Variants in LIG1 observed in about 807,000 individuals in gnomAD.
LIG1 encodes ligase I, DNA, ATP-dependent.
In LIG1, 70 loss-of-function variants were observed where a neutral mutation model predicts 115.7. The ratio of observed to expected loss-of-function variants is 0.60; its 90% confidence interval spans 0.50 to 0.74. The LOEUF (loss-of-function observed/expected upper bound fraction) is 0.74. Among genes scored for constraint, LIG1 ranks in the 30% least tolerant of loss-of-function variants. LIG1 has a pLI of 0.00. For missense variants in LIG1, 1,115 were observed against 1,225.6 expected (o/e 0.91, Z 1.35); for synonymous variants, 487 against 495.3 (o/e 0.98, Z 0.22).
chr19:48,153,683 CA>C lies in LIG1; in HGVS notation c.466+188del, dbSNP rs1568538245. On this transcript the variant is annotated intron_variant, in intron 6 of 27. Coordinates refer to ENST00000263274, the MANE Select transcript of LIG1 (RefSeq NM_000234.3). ...ACACACACACACACACACACACACACACACACACCTCTCCTTCTGGGGGCTC... is the reference window on the plus strand; with the variant it reads ...ACACACACACACACACACACACACACCACACACCTCTCCTTCTGGGGGCTC... Among the ~76,000 whole-genome samples, 28 of 141,844 alleles carry C rather than the reference CA, an allele frequency of 2.0e-4. 1 individual carries two copies. Among genetic ancestry groups the C allele is most frequent in the African/African-American group, 6.4e-4 (24 of 37,384 alleles). 93.1% of individuals were successfully genotyped at this position (141,844 alleles called of 152,430 possible).
In LIG1 at chr19:48,127,923, G is replaced by A. The variant is rs772257137; in HGVS notation, c.1919C>T (p.Thr640Ile). The A allele has an allele frequency of 1.9e-6, 3 of 1,613,892 alleles. No homozygotes were observed. In the African/African-American group the frequency reaches 4.0e-5, roughly 22 times the overall value. ...GGGTGATGCTACCTTGCGTTTGCGG[G>A]TGGTGAGCACTTGGAATGGCTGGAT... ...KQIQPFQVLT[T>I]RKRKEVDASE... The change falls in exon 20 of 28, where the codon ACC becomes ATC. Residue 640 changes from threonine to isoleucine, a missense_variant. Thr to Ile is a moderately conservative substitution (Grantham distance 89). Transcript: ENST00000263274.
chr19:48,140,775 T>C (rs1454296143), intron 11 of LIG1, among the ~76,000 whole-genome samples: 1 of 151,954 alleles, frequency 6.6e-6, no homozygotes, highest in African/African-American at 2.4e-5. Flanking sequence ...AAACCTCCCT[T>C]CGACCCCCTG....
chr19:48,168,906 G>A (rs2036615566), intron 1 of LIG1, among the ~76,000 whole-genome samples: 2 of 152,056 alleles, frequency 1.3e-5, no homozygotes, highest in Non-Finnish European at 2.9e-5. Context: ...CATTTTAAAT[G>A]GGCAAAATTG....
intron 5 of LIG1, among the ~76,000 whole-genome samples, chr19:48,155,583 T>C (rs2035782033): frequency 6.6e-6 from 1 of 152,152 alleles, no homozygotes; most frequent in African/African-American, 2.4e-5. Flanking sequence ...GATGGAAAGA[T>C]CTGGCAAGCC....
At chr19:48,161,230 G>T in intron 4 of LIG1, 142 bp downstream of exon 4, 1 of 1,246,446 alleles carries the variant, frequency 8.0e-7, no homozygotes, top group Non-Finnish European at 1.2e-6. Flanking sequence ...GGTTGTGTCT[G>T]CCCCCGACAC....
chr19:48,127,748 T>G, intron 20 of LIG1, 162 bp downstream of exon 20: 1 of 757,086 alleles, frequency 1.3e-6, no homozygotes, highest in Non-Finnish European at 2.4e-6. Context: ...GGGATGAGAA[T>G]GCGATGGCTG....
At chr19:48,130,432 C>T (rs56188903) in intron 19 of LIG1, among the ~76,000 whole-genome samples, 1,684 of 152,296 alleles carry the variant, frequency 0.011, 38 homozygotes, top group African/African-American at 0.037. Flanking sequence ...CAGAGAAGTC[C>T]CCAACTCTGG....
In LIG1 at chr19:48,157,149, G is replaced by A; in HGVS notation, c.244-9C>T. On this transcript the variant is annotated splice_polypyrimidine_tract_variant and intron_variant, in intron 4 of 27. Transcript: ENST00000263274. ...CAGTCCAGGGCAGGCTTCTGGAAGA[G>A]GAAAGAACAGTTCTAGAGTGAGCGG... 1 of 1,608,778 alleles carries A rather than the reference G, an allele frequency of 6.2e-7. No individual in the cohort carries two copies. Among genetic ancestry groups the A allele is most frequent in the Non-Finnish European group, 8.5e-7 (1 of 1,177,106 alleles).
intron 26 of LIG1, 47 bp from the exon 27 acceptor site, chr19:48,116,012 C>G: frequency 7.1e-7 from 1 of 1,399,236 alleles, no homozygotes; most frequent in Non-Finnish European, 1.0e-6. Context: ...CCAGCGACCC[C>G]CTGCTCAGTC....
At position 48,122,988 on chromosome 19, in the gene LIG1, G is replaced by T. The variant is rs2033400046; in HGVS notation, c.2178C>A (p.Thr726=). ...TCTCGTAGGTGGCATCAACATCCAG[G>T]GTCTTCACCATCAGCCCCTCGCAGG... is the stretch of plus-strand genomic sequence containing the variant. The part of the protein sequence containing the change: ...KDSCEGLMVK[T]LDVDATYEIA... The change falls in exon 23 of 28, where the codon ACC becomes ACA. Residue 726 remains threonine, a synonymous_variant. Transcript: ENST00000263274. This position sits in a 1 kb window ranked among gnomAD's most constrained non-coding sequence, Gnocchi z 4.3. The T allele has an allele frequency of 6.2e-7, 1 of 1,613,422 alleles. No homozygotes were observed. Among genetic ancestry groups the T allele is most frequent in the African/African-American group, 1.3e-5 (1 of 74,660 alleles).
chr19:48,161,199 G>A (rs1350976408), intron 4 of LIG1, 173 bp downstream of exon 4: 12 of 898,914 alleles, frequency 1.3e-5, no homozygotes, highest in Non-Finnish European at 2.0e-5. Flanking sequence ...CGAGGTCCTA[G>A]GGCAGGGGCA....
At chr19:48,148,934 C>G (rs1188757871) in intron 9 of LIG1, among the ~76,000 whole-genome samples, 1 of 152,036 alleles carries the variant, frequency 6.6e-6, no homozygotes, top group Non-Finnish European at 1.5e-5. Flanking sequence ...CGTGGGCCGC[C>G]CAGGGCTGGC....
intron 19 of LIG1, among the ~76,000 whole-genome samples, chr19:48,129,150 T>A (rs1373504884): frequency 6.6e-6 from 1 of 152,096 alleles, no homozygotes; most frequent in Non-Finnish European, 1.5e-5. Flanking sequence ...CCTCCCACGT[T>A]CAAGTGATTC....
At chr19:48,155,709 A>G (rs917273364) in intron 5 of LIG1, among the ~76,000 whole-genome samples, 1 of 152,210 alleles carries the variant, frequency 6.6e-6, no homozygotes, top group African/African-American at 2.4e-5. Flanking sequence ...GTATGATTCC[A>G]ACATTCTGTT....
intron 6 of LIG1, among the ~76,000 whole-genome samples, 194 bp downstream of exon 6, chr19:48,153,677 CA>C (rs2035619419): frequency 3.4e-5 from 5 of 145,156 alleles, no homozygotes; most frequent in African/African-American, 1.3e-4. Flanking sequence ...CACACACACA[CA>C]CACACACACA....
intron 17 of LIG1, 185 bp from the exon 18 acceptor site, chr19:48,133,282 C>T (rs2034163585): frequency 3.3e-6 from 2 of 603,610 alleles, no homozygotes; most frequent in Non-Finnish European, 5.9e-6. Flanking sequence ...GGCCTTCCTT[C>T]CAGGTGGGAA....
At chr19:48,159,513 T>C (rs1042230109) in intron 4 of LIG1, among the ~76,000 whole-genome samples, 12 of 152,146 alleles carry the variant, frequency 7.9e-5, no homozygotes, top group African/African-American at 1.2e-4. Flanking sequence ...CCTGGGAATA[T>C]GTTAGGTTAC....
At position 48,115,656 on chromosome 19, in the gene LIG1, G is replaced by T. The variant is rs1472868108; in HGVS notation, c.2753C>A (p.Thr918Asn). 1 of 1,612,716 alleles carries T rather than the reference G, an allele frequency of 6.2e-7. No individual in the cohort carries two copies. Among genetic ancestry groups the T allele is most frequent in the Non-Finnish European group, 8.5e-7 (1 of 1,178,698 alleles). Residue 918 changes from threonine to asparagine, a missense_variant, in exon 28 of 28, where the codon ACC (threonine) becomes AAC (asparagine). Thr to Asn is a moderately conservative substitution (Grantham distance 65). Transcript: ENST00000263274. The stretch of plus-strand genomic sequence containing the variant: ...CCCTAGGAGGGCGAGGGCTTAGTAG[G>T]TATCTTCAGGGTCAGAGCCTGAGTC... ...GEDSGSDPEDTY is the reference protein window; with the variant it reads ...GEDSGSDPEDNY
chr19:48,127,792 G>T (rs1039884709), intron 20 of LIG1, 118 bp downstream of exon 20: 1 of 863,638 alleles, frequency 1.2e-6, no homozygotes, highest in Non-Finnish European at 2.0e-6. Flanking sequence ...AAGGCTGAGA[G>T]AAGTGCATCC....
Sources: gnomAD v4.1 joint callset for allele counts (sites outside exome capture counted in the v4.1 genomes callset) on GRCh38, gnomAD v4.1.1 for gene constraint, Gnocchi (gnomAD v3.1) non-coding constraint, MANE v1.5 for transcripts, NCBI Gene and HGNC (gene_info 2026-07-23, HGNC 2026-07-21) for gene names.